SYN3: variants seen among roughly 807,000 people sequenced by gnomAD.
SYN3 encodes synapsin-3.
A neutral mutation model predicts 65.8 loss-of-function variants in SYN3; 35 were observed. The observed-to-expected ratio is 0.53, with a 90% confidence interval of 0.41 to 0.70. The LOEUF is 0.70. SYN3 is among the 30% of genes least tolerant of loss of function. SYN3 has a pLI of 0.00. For missense variants in SYN3, 680 were observed against 749.0 expected, an observed-to-expected ratio of 0.91 and a Z score of 1.08; for synonymous variants, 270 against 292.9, an observed-to-expected ratio of 0.92 and a Z score of 0.80.
intron 6 of SYN3, among the ~76,000 whole-genome samples, chr22:32,855,880 G>A (rs144857567): frequency 2.0e-5 from 3 of 152,244 alleles, no homozygotes; most frequent in Admixed American, 6.5e-5. Flanking sequence ...GCAATTTCAC[G>A]TGGTTCAATC....
intron 6 of SYN3, among the ~76,000 whole-genome samples, chr22:32,664,008 CTT>C (rs2060255033): frequency 6.6e-6 from 1 of 152,124 alleles, no homozygotes; most frequent in Non-Finnish European, 1.5e-5. Flanking sequence ...AGGGAAATGT[CTT>C]TGAATTTTAG....
chr22:32,992,348 C>A (rs1279415986), intron 2 of SYN3, among the ~76,000 whole-genome samples: 1 of 152,240 alleles, frequency 6.6e-6, no homozygotes, highest in African/African-American at 2.4e-5. Flanking sequence ...CACCAGGAAG[C>A]CCACTCAGTC....
intron 6 of SYN3, among the ~76,000 whole-genome samples, chr22:32,800,724 G>C (rs979652357): frequency 6.6e-6 from 1 of 152,190 alleles, no homozygotes; most frequent in African/African-American, 2.4e-5. Context: ...GCCATGGGCA[G>C]GGAACCACTT....
At chr22:32,719,061 T>A (rs1259690814) in intron 6 of SYN3, among the ~76,000 whole-genome samples, 2 of 152,196 alleles carry the variant, frequency 1.3e-5, no homozygotes. Context: ...AGCTCAGACA[T>A]CACCTTCTCT....
chr22:32,980,955 A>G (rs1188791691), intron 2 of SYN3, among the ~76,000 whole-genome samples: 1 of 151,756 alleles, frequency 6.6e-6, no homozygotes, highest in African/African-American at 2.4e-5. Context: ...CCCAGGTTCA[A>G]GCGATTCTCC....
chr22:32,900,699 C>A (rs963325822), intron 4 of SYN3, among the ~76,000 whole-genome samples: 4 of 152,074 alleles, frequency 2.6e-5, no homozygotes, highest in African/African-American at 9.7e-5. Context: ...CAATGGAATA[C>A]CTGGCAGACT....
intron 1 of SYN3, among the ~76,000 whole-genome samples, chr22:33,028,370 C>T (rs750881552): frequency 2.4e-4 from 36 of 152,216 alleles, no homozygotes; most frequent in African/African-American, 6.5e-4. Flanking sequence ...AATGCTAATG[C>T]GCACCAGCTT....
chr22:32,565,990 G>C (rs2058667967), intron 7 of SYN3, among the ~76,000 whole-genome samples: 1 of 152,030 alleles, frequency 6.6e-6, no homozygotes, highest in African/African-American at 2.4e-5. Flanking sequence ...AGGATTACAG[G>C]CATAAGCCAC....
intron 6 of SYN3, among the ~76,000 whole-genome samples, chr22:32,677,658 G>A (rs946519232): frequency 4.6e-5 from 7 of 152,106 alleles, no homozygotes; most frequent in South Asian, 2.1e-4. Flanking sequence ...AAAATTAGCC[G>A]GTCGTGGTGG....
intron 10 of SYN3, 48 bp downstream of exon 10, chr22:32,533,745 G>A (rs778374544): frequency 1.9e-5 from 26 of 1,378,942 alleles, no homozygotes; most frequent in Admixed American, 6.8e-5. Context: ...CCCCTGGCAC[G>A]CCTGCCAGGC....
chr22:33,055,502 C>A (rs551777780), intron 1 of SYN3, among the ~76,000 whole-genome samples: 1 of 152,196 alleles, frequency 6.6e-6, no homozygotes, highest in Non-Finnish European at 1.5e-5. Context: ...TTAAGCACAT[C>A]CACCCTTCAT....
intron 6 of SYN3, among the ~76,000 whole-genome samples, chr22:32,838,361 C>T (rs2047797317): frequency 6.6e-6 from 1 of 152,134 alleles, no homozygotes; most frequent in African/African-American, 2.4e-5. Flanking sequence ...CTTCATATTT[C>T]CTGAGTGCTA....
At chr22:33,042,870 G>A (rs573175224) in intron 1 of SYN3, among the ~76,000 whole-genome samples, 1 of 152,238 alleles carries the variant, frequency 6.6e-6, no homozygotes, top group African/African-American at 2.4e-5. Context: ...GCTCCATGAA[G>A]CCCTGGCCAA....
intron 12 of SYN3, among the ~76,000 whole-genome samples, chr22:32,520,882 C>G (rs2057869168): frequency 6.6e-6 from 1 of 152,208 alleles, no homozygotes; most frequent in South Asian, 2.1e-4. Flanking sequence ...CTCCCCTTCT[C>G]TGGGCTTCTG....
chr22:32,673,191 AGGTGGTC>A (rs2060395312), intron 6 of SYN3, among the ~76,000 whole-genome samples: 1 of 152,186 alleles, frequency 6.6e-6, no homozygotes, highest in Non-Finnish European at 1.5e-5. Context: ...TCTTTGGCAA[AGGTGGTC>A]ATGCTTTGAA....
chr22:32,673,447 C>T (rs1010087068), intron 6 of SYN3, among the ~76,000 whole-genome samples: 2 of 152,188 alleles, frequency 1.3e-5, no homozygotes, highest in Non-Finnish European at 2.9e-5. Flanking sequence ...ATGAAACGAC[C>T]AAGCCTGTCT....
intron 7 of SYN3, among the ~76,000 whole-genome samples, chr22:32,558,730 T>C (rs1382455868): frequency 6.6e-6 from 1 of 152,230 alleles, no homozygotes; most frequent in Non-Finnish European, 1.5e-5. Context: ...CCAAACTCTA[T>C]TGCCAAGGTA....
intron 7 of SYN3, among the ~76,000 whole-genome samples, chr22:32,556,277 T>C (rs2058494009): frequency 6.6e-6 from 1 of 152,240 alleles, no homozygotes; most frequent in Non-Finnish European, 1.5e-5. Context: ...TAATGGGATG[T>C]ATGTGCTTAT....
chr22:32,558,700 G>A (rs992658589), intron 7 of SYN3, among the ~76,000 whole-genome samples: 4 of 152,226 alleles, frequency 2.6e-5, no homozygotes, highest in African/African-American at 7.2e-5. Flanking sequence ...GGAAGGACCC[G>A]GGAGGGCAAG....
Sources: gnomAD v4.1 joint callset for allele counts (sites outside exome capture counted in the v4.1 genomes callset) on GRCh38, gnomAD v4.1.1 for gene constraint, MANE v1.5 for transcripts, NCBI Gene and HGNC (gene_info 2026-07-23, HGNC 2026-07-21) for gene names.